The following AGBL1 variants were observed in gnomAD, a reference collection of about 807,000 sequenced individuals.
The protein encoded by AGBL1 is cytosolic carboxypeptidase 4.
A neutral mutation model predicts 118.9 loss-of-function variants in AGBL1; 130 were observed. That is an observed-to-expected ratio of 1.09 (90% CI 0.95 to 1.26). The LOEUF is 1.26. AGBL1 is among the 50% of genes most tolerant of loss of function. The probability of loss-of-function intolerance (pLI) is 0.00; values close to 1 mark genes in which losing one functional copy is unlikely to be tolerated. For missense variants in AGBL1, 1,584 were observed against 1,298.1 expected (o/e 1.22, Z -3.38); for synonymous variants, 555 against 478.9 (o/e 1.16, Z -2.08).
chr15:86,272,522 T>C (rs931434298), intron 15 of AGBL1, among the ~76,000 whole-genome samples: 1 of 152,190 alleles, frequency 6.6e-6, no homozygotes, highest in African/African-American at 2.4e-5. Context: ...ACTAGCGGCC[T>C]CTAAAAAAGT....
chr15:86,786,059 G>T (rs376239062), intron 22 of AGBL1, among the ~76,000 whole-genome samples: 1 of 152,082 alleles, frequency 6.6e-6, no homozygotes, highest in Admixed American at 6.6e-5. Flanking sequence ...TCTTTTCAGA[G>T]ACTTTTTGGT....
At chr15:86,828,238 C>T (rs1244478178) in intron 22 of AGBL1, among the ~76,000 whole-genome samples, 3 of 151,866 alleles carry the variant, frequency 2.0e-5, no homozygotes, top group African/African-American at 7.3e-5. Context: ...CCACTGTGCT[C>T]AGCCTGTCGT....
chr15:86,886,513 G>A lies in AGBL1; in HGVS notation c.3159-20574G>A, dbSNP rs563124674. 1.2e-4 allele frequency among the ~76,000 whole-genome samples: 18 copies of A among 152,230 alleles called. No individual in the cohort carries two copies. The South Asian group carries it at 3.1e-3, about 26-fold the overall frequency. On this transcript the variant is annotated intron_variant, in intron 22 of 22. Transcript: ENST00000614907. ...GAATTATTCTGCCTTTCTTTAATTA[G>A]CATTTGTTTTGGGCATATTCTATAT...
At chr15:86,254,943 A>G (rs1017476217) in intron 7 of AGBL1, among the ~76,000 whole-genome samples, 5 of 152,200 alleles carry the variant, frequency 3.3e-5, no homozygotes, top group African/African-American at 4.8e-5. Context: ...CTTGGGTTTT[A>G]TAGATTTTAA....
At chr15:86,218,862 C>T (rs2078233058) in intron 5 of AGBL1, among the ~76,000 whole-genome samples, 1 of 152,202 alleles carries the variant, frequency 6.6e-6, no homozygotes, top group South Asian at 2.1e-4. Flanking sequence ...CCCAGTTGAG[C>T]CTCAAGATGA....
At chr15:86,313,930 C>T (rs1429450879) in intron 17 of AGBL1, among the ~76,000 whole-genome samples, 2 of 152,164 alleles carry the variant, frequency 1.3e-5, no homozygotes, top group Middle Eastern at 3.4e-3. Flanking sequence ...AGCTGAGGCT[C>T]AAATAATTAG....
chr15:86,827,020 C>T lies in AGBL1; in HGVS notation c.3159-80067C>T, dbSNP rs994775463. On this transcript the variant is annotated intron_variant, in intron 22 of 22. Transcript: ENST00000614907. Reference sequence around the variant, plus strand: ...TTTGATTAAAGGCAAAGGTCTACCCCATAAGGAAGAGCCCTACAATGTCAT... The same window carrying T: ...TTTGATTAAAGGCAAAGGTCTACCCTATAAGGAAGAGCCCTACAATGTCAT... Among the ~76,000 whole-genome samples, 3 of 151,610 alleles carry T rather than the reference C, an allele frequency of 2.0e-5. No homozygotes were observed. In the South Asian group the frequency reaches 6.3e-4, roughly 32 times the overall value.
chr15:86,501,430 G>A (rs898330385), intron 18 of AGBL1, among the ~76,000 whole-genome samples: 4 of 151,490 alleles, frequency 2.6e-5, no homozygotes, highest in Non-Finnish European at 4.4e-5. Flanking sequence ...AGTGTCCTGT[G>A]ATACCCAATA....
intron 6 of AGBL1, among the ~76,000 whole-genome samples, chr15:86,237,826 G>A (rs1356174861): frequency 6.6e-6 from 1 of 152,178 alleles, no homozygotes; most frequent in Non-Finnish European, 1.5e-5. Context: ...CTGTTGGGAT[G>A]AGTCTCAAAA....
At chr15:86,827,411 G>GTATA (rs1196407525) in intron 22 of AGBL1, among the ~76,000 whole-genome samples, 2 of 4,592 alleles carry the variant, frequency 4.4e-4, no homozygotes, top group Non-Finnish European at 3.3e-4. Context: ...ATATATATGT[G>GTATA]TATATATATA....
At chr15:86,375,309 C>T (rs182992094) in intron 17 of AGBL1, among the ~76,000 whole-genome samples, 4 of 152,060 alleles carry the variant, frequency 2.6e-5, no homozygotes, top group Non-Finnish European at 4.4e-5. Context: ...CTTCACAAGT[C>T]GGCAGGAAAG....
chr15:86,224,954 A>G lies in AGBL1; in HGVS notation c.526+3A>G. Reference sequence around the variant, plus strand: ...TTTGGCAGCATTGCTGAAATCCAGTAAGCACCTCTTTTGAAGGGTGGCTAT... The same window carrying G: ...TTTGGCAGCATTGCTGAAATCCAGTGAGCACCTCTTTTGAAGGGTGGCTAT... On this transcript the variant is annotated splice_donor_region_variant and intron_variant, in intron 6 of 22. Coordinates refer to ENST00000614907, the MANE Select transcript of AGBL1 (RefSeq NM_001386094.1). The G allele has an allele frequency of 6.2e-7, 1 of 1,613,014 alleles. No homozygotes were observed.
chr15:86,723,009 T>C (rs1485228875), intron 22 of AGBL1, among the ~76,000 whole-genome samples: 3 of 150,806 alleles, frequency 2.0e-5, no homozygotes, highest in African/African-American at 7.3e-5. Flanking sequence ...GAACAACAGG[T>C]GCTGGAGAGG....
intron 1 of AGBL1, among the ~76,000 whole-genome samples, chr15:86,132,481 C>G (rs1353169625): frequency 6.6e-6 from 1 of 152,108 alleles, no homozygotes; most frequent in Non-Finnish European, 1.5e-5. Flanking sequence ...GTTTAGAATC[C>G]TTTTAGAAAA....
At chr15:86,169,763 A>G (rs1211795150) in intron 5 of AGBL1, among the ~76,000 whole-genome samples, 1 of 152,220 alleles carries the variant, frequency 6.6e-6, no homozygotes, top group African/African-American at 2.4e-5. Flanking sequence ...AGTTGGTTGA[A>G]TCCATGTGTG....
At position 86,915,123 on chromosome 15, in the gene AGBL1, T is replaced by C. The variant is rs2080402949; in HGVS notation, c.*7829T>C. On this transcript the variant is annotated 3_prime_UTR_variant, in exon 23 of 23. Transcript: ENST00000614907. The stretch of plus-strand genomic sequence containing the variant: ...AATGTTGTTGAGTGTGAATCTTAGC[T>C]TTGGTTGGAGTCCAAAGCTAAGAAT... 6.6e-6 allele frequency: 1 copy of C among 152,192 alleles called. No homozygotes were observed. The highest frequency in any genetic ancestry group is 2.4e-5 in the African/African-American group (1 of 41,450). 9.4% of individuals were successfully genotyped at this position (152,192 alleles called of 1,614,324 possible).
In AGBL1 at chr15:86,299,841, C is replaced by T. The variant is rs192063276; in HGVS notation, c.2374+4433C>T. On this transcript the variant is annotated intron_variant, in intron 17 of 22. Transcript: ENST00000614907. ...CGGTGGGTGGTGTGGTATCTCCTTT[C>T]TTAAATTTGAACTGAGAGAAGATGC... 1.1e-3 allele frequency: 169 copies of T among 152,080 alleles called. 1 individual carries two copies. The highest frequency in any genetic ancestry group is 3.7e-3 in the African/African-American group (155 of 41,504). The allele number at this position is 152,080 out of a possible 1,614,324, so 9.4% of individuals were successfully genotyped here. A position where few individuals can be genotyped will look rare whatever the true frequency, so the allele number is the denominator to read the frequency against.
intron 22 of AGBL1, among the ~76,000 whole-genome samples, chr15:86,787,134 A>G (rs2078424201): frequency 6.6e-6 from 1 of 152,166 alleles, no homozygotes; most frequent in Admixed American, 6.5e-5. Flanking sequence ...ATTTGTATAT[A>G]TTTAATACAT....
chr15:86,141,421 G>C (rs1376312050), intron 1 of AGBL1, among the ~76,000 whole-genome samples: 1 of 152,150 alleles, frequency 6.6e-6, no homozygotes, highest in Non-Finnish European at 1.5e-5. Flanking sequence ...GGAGGCCGAG[G>C]CAGGCAGATA....
Sources: allele counts gnomAD v4.1 joint callset (sites outside exome capture counted in the v4.1 genomes callset), GRCh38; gene constraint gnomAD v4.1.1; transcripts MANE v1.5; gene names NCBI Gene and HGNC (gene_info 2026-07-23, HGNC 2026-07-21).